Variants in TLK1 observed in about 807,000 individuals in gnomAD.
TLK1 encodes serine/threonine-protein kinase tousled-like 1.
In TLK1, 24 loss-of-function variants were observed where a neutral mutation model predicts 105.3. The ratio of observed to expected loss-of-function variants is 0.23; its 90% CI spans 0.17 to 0.32. The LOEUF (loss-of-function observed/expected upper bound fraction) is 0.32, where lower values mean the gene tolerates loss of function less well. TLK1 is among the 10% of genes least tolerant of loss of function. The probability of loss-of-function intolerance (pLI) is 1.00; values close to 1 mark genes in which losing one functional copy is unlikely to be tolerated. For missense variants in TLK1, 558 were observed against 910.5 expected, an observed-to-expected ratio of 0.61 and a Z score of 4.98; for synonymous variants, 321 against 310.4, an observed-to-expected ratio of 1.03 and a Z score of -0.36.
intron 1 of TLK1, among the ~76,000 whole-genome samples, chr2:171,124,538 T>A (rs1690790843): frequency 6.6e-6 from 1 of 152,360 alleles, no homozygotes; most frequent in South Asian, 2.1e-4. Flanking sequence ...TGATGCTAGT[T>A]AAGTCCAAAA....
At chr2:171,067,525 T>C (rs1451565784) in intron 3 of TLK1, among the ~76,000 whole-genome samples, 1 of 152,126 alleles carries the variant, frequency 6.6e-6, no homozygotes, top group African/African-American at 2.4e-5. Context: ...ATTGACATGT[T>C]TACATTAACA....
chr2:171,135,923 A>G (rs989006406), intron 1 of TLK1, among the ~76,000 whole-genome samples: 2 of 152,238 alleles, frequency 1.3e-5, no homozygotes, highest in African/African-American at 4.8e-5. Flanking sequence ...AGGATTGTGG[A>G]AAAATGGGAA....
Position 171,160,560 on chromosome 2 carries a change from A to C in TLK1, c.-132T>G. ...GAGCGAGGGCTGGGAGGGGAGAGTC[A>C]AGGGGATGGGGGAGGAAACCGAGAA... is the stretch of plus-strand genomic sequence containing the variant. On this transcript the variant is annotated 5_prime_UTR_variant, in exon 1 of 21. Coordinates refer to ENST00000431350, the MANE Select transcript of TLK1 (RefSeq NM_012290.5). This position sits in a 1 kb window ranked among gnomAD's most constrained non-coding sequence, Gnocchi z 4.4. The C allele has an allele frequency of 6.9e-7, 1 of 1,459,780 alleles. No homozygotes were observed. Among genetic ancestry groups the C allele is most frequent in the Non-Finnish European group, 9.2e-7 (1 of 1,087,966 alleles). The allele number at this position is 1,459,780 out of a possible 1,614,324, so 90.4% of individuals were successfully genotyped here. A position where few individuals can be genotyped will look rare whatever the true frequency, so the allele number is the denominator to read the frequency against.
intron 1 of TLK1, among the ~76,000 whole-genome samples, chr2:171,127,570 T>C (rs900692021): frequency 3.3e-5 from 5 of 152,082 alleles, no homozygotes; most frequent in African/African-American, 1.2e-4. Context: ...GCCCAATTTC[T>C]TTTTCTAACC....
At chr2:171,152,478 T>A (rs1692080187) in intron 1 of TLK1, among the ~76,000 whole-genome samples, 1 of 152,212 alleles carries the variant, frequency 6.6e-6, no homozygotes, top group Non-Finnish European at 1.5e-5. Context: ...TGCCTCTCAA[T>A]TAGGTTTGCT....
intron 3 of TLK1, among the ~76,000 whole-genome samples, chr2:171,079,636 CGA>C (rs1052218982): frequency 8.6e-5 from 13 of 152,020 alleles, no homozygotes; most frequent in African/African-American, 2.4e-4. Flanking sequence ...CTTTTATTTA[CGA>C]GAGGAAAAAC....
intron 1 of TLK1, among the ~76,000 whole-genome samples, chr2:171,120,053 C>A (rs1206771131): frequency 6.6e-6 from 1 of 151,936 alleles, no homozygotes; most frequent in East Asian, 1.9e-4. Context: ...TCGAGACTAG[C>A]CTGGCCAACA....
intron 11 of TLK1, among the ~76,000 whole-genome samples, chr2:171,029,428 C>T (rs1685934325): frequency 6.6e-6 from 1 of 152,110 alleles, no homozygotes. Context: ...CCAGGAATTC[C>T]AGAACAGCCT....
intron 4 of TLK1, chr2:171,059,912 C>T: frequency 2.3e-6 from 3 of 1,323,424 alleles, no homozygotes; most frequent in Non-Finnish European, 3.3e-6. Flanking sequence ...TGCTCACTGG[C>T]CCGCTGCTCA....
chr2:171,011,533 A>G, intron 13 of TLK1, 79 bp from the exon 14 acceptor site: 1 of 1,136,266 alleles, frequency 8.8e-7, no homozygotes, highest in South Asian at 1.6e-5. Flanking sequence ...CTACTCTCTT[A>G]TTCTATTCCT....
At chr2:171,094,853 C>T (rs1196959958) in intron 2 of TLK1, among the ~76,000 whole-genome samples, 1 of 152,158 alleles carries the variant, frequency 6.6e-6, no homozygotes, top group African/African-American at 2.4e-5. Context: ...GGTGATCTGC[C>T]CACCTCAGCC....
chr2:171,044,812 T>C (rs77448511), intron 11 of TLK1, among the ~76,000 whole-genome samples: 5,646 of 152,196 alleles, frequency 0.037, 424 homozygotes, highest in East Asian at 0.3. Flanking sequence ...AATAGTCTTT[T>C]TGGAAAAAAA....
intron 1 of TLK1, among the ~76,000 whole-genome samples, chr2:171,134,176 TAAA>T (rs1436197348): frequency 6.6e-6 from 1 of 152,176 alleles, no homozygotes; most frequent in Non-Finnish European, 1.5e-5. Context: ...ATATGACACA[TAAA>T]AATCAATCCC....
At chr2:171,214,812 A>G (rs1380429887) in intron 1 of TLK1, among the ~76,000 whole-genome samples, 2 of 152,068 alleles carry the variant, frequency 1.3e-5, no homozygotes, top group Admixed American at 1.3e-4. Context: ...CTTTGCTTCA[A>G]CTCCTGAATT....
intron 1 of TLK1, among the ~76,000 whole-genome samples, chr2:171,129,830 AATAAC>A (rs3084410): frequency 0.21 from 29,227 of 142,496 alleles, 3,168 homozygotes; most frequent in Non-Finnish European, 0.24. Context: ...TAGGTTACCA[AATAAC>A]ATAACATAAC....
intron 1 of TLK1, among the ~76,000 whole-genome samples, chr2:171,151,641 A>T (rs1028046801): frequency 4.7e-5 from 7 of 150,392 alleles, no homozygotes; most frequent in African/African-American, 1.5e-4. Flanking sequence ...CGCCCAGCTA[A>T]TTTTTTTGTA....
intron 1 of TLK1, among the ~76,000 whole-genome samples, chr2:171,196,262 G>GC (rs1693273929): frequency 6.6e-6 from 1 of 151,698 alleles, no homozygotes; most frequent in African/African-American, 2.4e-5. Context: ...GAATATAGGT[G>GC]CCCACCACCA....
intron 1 of TLK1, among the ~76,000 whole-genome samples, chr2:171,133,002 T>C (rs1236867020): frequency 1.3e-5 from 2 of 152,198 alleles, no homozygotes; most frequent in East Asian, 3.8e-4. Context: ...TAAATATGGA[T>C]TAAACTCCTC....
chr2:171,200,201 A>G (rs984223456), intron 1 of TLK1, among the ~76,000 whole-genome samples: 5 of 152,192 alleles, frequency 3.3e-5, no homozygotes, highest in Non-Finnish European at 7.3e-5. Flanking sequence ...TTCCCCTCCC[A>G]TCAAGATACT....
Sources: gnomAD v4.1 joint callset for allele counts (sites outside exome capture counted in the v4.1 genomes callset) on GRCh38, gnomAD v4.1.1 for gene constraint, Gnocchi (gnomAD v3.1) non-coding constraint, MANE v1.5 for transcripts, NCBI Gene and HGNC (gene_info 2026-07-23, HGNC 2026-07-21) for gene names.